Variants in HDGFL3 observed in about 807,000 individuals in gnomAD.
The protein encoded by HDGFL3 is hepatoma-derived growth factor-related protein 3.
A neutral mutation model predicts 27.6 loss-of-function variants in HDGFL3; 6 were observed. That is an observed-to-expected ratio of 0.22 (90% CI 0.12 to 0.43). The LOEUF (loss-of-function observed/expected upper bound fraction) is 0.43. Among genes scored for constraint, HDGFL3 ranks in the 20% least tolerant of loss-of-function variants. The pLI is 1.00. For missense variants in HDGFL3, 207 were observed against 250.1 expected (o/e 0.83, Z 1.16); for synonymous variants, 88 against 88.9 (o/e 0.99, Z 0.05).
chr15:83,156,313 G>T (rs910140044), intron 4 of HDGFL3, among the ~76,000 whole-genome samples: 1 of 151,900 alleles, frequency 6.6e-6, no homozygotes, highest in African/African-American at 2.4e-5. Context: ...CCTATTTTAG[G>T]TCCCCCTGCT....
rs1024601397 is a variant in HDGFL3, at chr15:83,137,453, G to A, written c.*1817C>T. 1.3e-5 allele frequency: 2 copies of A among 152,066 alleles called. No homozygotes were observed. Among genetic ancestry groups the A allele is most frequent in the African/African-American group, 4.8e-5 (2 of 41,420 alleles). The allele number at this position is 152,066 out of a possible 1,614,324, so 9.4% of individuals were successfully genotyped here. A position where few individuals can be genotyped will look rare whatever the true frequency, so the allele number is the denominator to read the frequency against. On this transcript the variant is annotated 3_prime_UTR_variant, in exon 6 of 6. Transcript: ENST00000299633. The stretch of plus-strand genomic sequence containing the variant: ...TGAGTTGTATATTCCAATTCAAAAT[G>A]CCATCTACATTCCCCTTATGTTTCA...
intron 1 of HDGFL3, among the ~76,000 whole-genome samples, chr15:83,204,074 T>C (rs183920929): frequency 1.8e-4 from 27 of 148,730 alleles, no homozygotes; most frequent in Admixed American, 1.1e-3. Flanking sequence ...ATCTGAACAA[T>C]GGGGGAGAAG....
At chr15:83,201,904 G>C (rs1031595033) in intron 1 of HDGFL3, among the ~76,000 whole-genome samples, 1 of 152,172 alleles carries the variant, frequency 6.6e-6, no homozygotes, top group African/African-American at 2.4e-5. Flanking sequence ...GAAAAAGACT[G>C]AGTGAGCTTG....
At chr15:83,145,479 T>C (rs531601301) in intron 5 of HDGFL3, among the ~76,000 whole-genome samples, 65 of 152,300 alleles carry the variant, frequency 4.3e-4, no homozygotes, top group African/African-American at 1.5e-3. Context: ...GGTAGCTCTG[T>C]TCTCTCCCAC....
At position 83,136,779 on chromosome 15, in the gene HDGFL3, T is replaced by G. The variant is rs759324084; in HGVS notation, c.*2491A>C. 8 of 953,472 alleles carry G rather than the reference T, an allele frequency of 8.4e-6. No homozygotes were observed. Among genetic ancestry groups the G allele is most frequent in the South Asian group, 1.8e-5 (1 of 57,130 alleles). The allele number at this position is 953,472 out of a possible 1,614,324, so 59.1% of individuals were successfully genotyped here. ...TCTCATACGTGAGTACTTAAGAATA[T>G]GTACATTCTTGCTCTGCACTGTATG... On this transcript the variant is annotated 3_prime_UTR_variant, in exon 6 of 6. Transcript: ENST00000299633.
intron 1 of HDGFL3, among the ~76,000 whole-genome samples, chr15:83,165,588 A>G (rs2037159851): frequency 6.6e-6 from 1 of 152,112 alleles, no homozygotes; most frequent in Non-Finnish European, 1.5e-5. Flanking sequence ...AAGCCACATG[A>G]CATGGCTGTG....
chr15:83,122,987 A>C, downstream of HDGFL3: 1 of 1,265,946 alleles, frequency 7.9e-7, no homozygotes. Context: ...CATTTGGGGC[A>C]TCCAAACAGT....
chr15:83,132,343 T>C lies in HDGFL3; in HGVS notation c.*6927A>G, dbSNP rs1596528932. 2 of 152,232 alleles carry C rather than the reference T, an allele frequency of 1.3e-5. No individual in the cohort carries two copies. The highest frequency in any genetic ancestry group is 1.9e-4 in the East Asian group (1 of 5,186). 9.4% of individuals were successfully genotyped at this position (152,232 alleles called of 1,614,324 possible). A position where few individuals can be genotyped will look rare whatever the true frequency, so the allele number is the denominator to read the frequency against. ...ATAATTACCAAGAAAACAAAGAAAC[T>C]GGGTGAAAGCTTTGGGACAGACTCA... On this transcript the variant is annotated 3_prime_UTR_variant, in exon 6 of 6. Transcript: ENST00000299633.
At chr15:83,181,104 A>AT (rs1317024253) in intron 1 of HDGFL3, 2 of 152,146 alleles carry the variant, frequency 1.3e-5, no homozygotes, top group South Asian at 2.1e-4. Context: ...AGCTACAGAC[A>AT]TTTTTTCACC....
chr15:83,157,443 G>A lies in HDGFL3; in HGVS notation c.431C>T (p.Ser144Leu). Residue 144 changes from serine (S) to leucine (L), a missense_variant, in exon 4 of 6, where the codon TCA becomes TTA. By Grantham distance (145) the Ser-to-Leu change is moderately radical. Transcript: ENST00000299633. The part of the protein sequence containing the change: ...KGKRKNEKAG[S>L]KRKKSYTSKK... The stretch of plus-strand genomic sequence containing the variant: ...TGAAGTATATGACTTTTTCCGTTTT[G>A]AGCCTGCTTTTTCATTCTTTCTTTT... 3.1e-6 allele frequency: 5 copies of A among 1,613,450 alleles called. No homozygotes were observed. The highest frequency in any genetic ancestry group is 4.2e-6 in the Non-Finnish European group (5 of 1,179,618).
At chr15:83,119,671 A>G (rs377431850) in intron 3 of HDGFL3, 7 of 1,614,202 alleles carry the variant, frequency 4.3e-6, no homozygotes, top group Non-Finnish European at 5.9e-6. Flanking sequence ...GGTGGCAGCC[A>G]TAGCATGGGA....
chr15:83,158,339 T>A (rs1210029099), intron 2 of HDGFL3, among the ~76,000 whole-genome samples: 1 of 152,270 alleles, frequency 6.6e-6, no homozygotes, highest in Non-Finnish European at 1.5e-5. Flanking sequence ...GAATTAAATA[T>A]GTCTACTTTG....
At chr15:83,194,701 A>G (rs1291861241) in intron 1 of HDGFL3, among the ~76,000 whole-genome samples, 1 of 152,104 alleles carries the variant, frequency 6.6e-6, no homozygotes, top group Non-Finnish European at 1.5e-5. Context: ...TGAATTCCTT[A>G]TCTCCTTTCA....
chr15:83,120,725 T>C (rs1322512557), intron 3 of HDGFL3, among the ~76,000 whole-genome samples: 1 of 151,370 alleles, frequency 6.6e-6, no homozygotes, highest in East Asian at 2.0e-4. Context: ...TACCCGCAAA[T>C]TTTGTATTTT....
chr15:83,122,027 C>T, intron 3 of HDGFL3: 2 of 1,557,834 alleles, frequency 1.3e-6, no homozygotes, highest in Non-Finnish European at 1.8e-6. Context: ...TCTTAAAGTT[C>T]ACTTTCCTTT....
At chr15:83,168,621 C>T (rs573785120) in intron 1 of HDGFL3, among the ~76,000 whole-genome samples, 2 of 152,188 alleles carry the variant, frequency 1.3e-5, no homozygotes, top group South Asian at 4.1e-4. Context: ...ATATTGAATC[C>T]TTAGGTTGAA....
downstream of HDGFL3, chr15:83,126,868 A>G: frequency 6.4e-7 from 1 of 1,573,498 alleles, no homozygotes; most frequent in Non-Finnish European, 8.7e-7. Flanking sequence ...TATGAAGCCT[A>G]AGATTTTTCT....
intron 1 of HDGFL3, among the ~76,000 whole-genome samples, chr15:83,200,053 A>G (rs899288669): frequency 4.8e-5 from 7 of 146,420 alleles, no homozygotes; most frequent in African/African-American, 1.8e-4. Flanking sequence ...TCAAAAAAAA[A>G]AAAAAAAAGG....
rs2036425288 is a variant in HDGFL3 at position 83,133,754 on chromosome 15, C to T, written c.*5516G>A. On this transcript the variant is annotated 3_prime_UTR_variant, in exon 6 of 6. Transcript: ENST00000299633. ...GCTGGGAACATCACCCAGGAGAAAA[C>T]CTGCAGCCCTTTATTAGCTATGTGC... The T allele has an allele frequency of 6.6e-6, 1 of 152,400 alleles. No homozygotes were observed. The highest frequency in any genetic ancestry group is 6.5e-5 in the Admixed American group (1 of 15,306). The allele number at this position is 152,400 out of a possible 1,614,324, so 9.4% of individuals were successfully genotyped here.
Sources: allele counts gnomAD v4.1 joint callset (sites outside exome capture counted in the v4.1 genomes callset), GRCh38; gene constraint gnomAD v4.1.1; transcripts MANE v1.5; gene names NCBI Gene and HGNC (gene_info 2026-07-23, HGNC 2026-07-21).